The following PTPN9 variants were observed in gnomAD, a reference collection of about 807,000 sequenced individuals.
PTPN9 encodes the protein tyrosine-protein phosphatase non-receptor type 9.
A neutral mutation model predicts 69.8 loss-of-function variants in PTPN9; 26 were observed. That is an observed-to-expected ratio of 0.37 (90% CI 0.27 to 0.52). PTPN9 has a LOEUF of 0.52. PTPN9 is among the 20% of genes least tolerant of loss of function. PTPN9 has a pLI of 0.91. For missense variants in PTPN9, 549 were observed against 740.3 expected (o/e 0.74, Z 3.00); for synonymous variants, 274 against 272.5 (o/e 1.01, Z -0.05).
Position 75,527,163 on chromosome 15 carries a change from C to T in PTPN9, c.162G>A (p.Arg54=). The T allele has an allele frequency of 6.2e-7, 1 of 1,614,176 alleles. No individual in the cohort carries two copies. The highest frequency in any genetic ancestry group is 8.5e-7 in the Non-Finnish European group (1 of 1,180,034). Residue 54 remains arginine (R), a synonymous_variant, in exon 2 of 13, where the codon AGG becomes AGA. Transcript: ENST00000618819. ...WNVAVKFLMA[R]KFDVLRAIEL... ...CTATGGCACGGAGCACATCAAACTT[C>T]CTTGCCATGAGGAACTTGACAGCCA...
At chr15:75,572,516 A>G (rs1332706690) in intron 1 of PTPN9, among the ~76,000 whole-genome samples, 1 of 151,902 alleles carries the variant, frequency 6.6e-6, no homozygotes, top group Non-Finnish European at 1.5e-5. Flanking sequence ...TGGAGACCAG[A>G]CTAGCCAACA....
At chr15:75,545,008 T>G (rs1211722837) in intron 1 of PTPN9, among the ~76,000 whole-genome samples, 2 of 152,186 alleles carry the variant, frequency 1.3e-5, no homozygotes, top group African/African-American at 4.8e-5. Flanking sequence ...AAATTTCTAC[T>G]GCTTTCCAGC....
At chr15:75,502,151 A>T (rs1194582032) in intron 7 of PTPN9, among the ~76,000 whole-genome samples, 3 of 152,020 alleles carry the variant, frequency 2.0e-5, no homozygotes, top group African/African-American at 7.2e-5. Context: ...AAGAGAAGAG[A>T]AAAAAGAAAA....
At chr15:75,576,819 C>CA (rs2075176008) in intron 1 of PTPN9, among the ~76,000 whole-genome samples, 1 of 151,484 alleles carries the variant, frequency 6.6e-6, no homozygotes, top group Non-Finnish European at 1.5e-5. Flanking sequence ...AAAAAACAAA[C>CA]AAACAAACAA....
chr15:75,520,243 T>C (rs976910921), intron 4 of PTPN9, among the ~76,000 whole-genome samples: 7 of 152,042 alleles, frequency 4.6e-5, no homozygotes, highest in Non-Finnish European at 8.8e-5. Flanking sequence ...TTATGGGCTT[T>C]CCCCTCATGA....
intron 1 of PTPN9, among the ~76,000 whole-genome samples, chr15:75,569,884 C>T (rs980466309): frequency 9.2e-5 from 14 of 151,788 alleles, no homozygotes; most frequent in Admixed American, 6.6e-4. Flanking sequence ...GGCAGTGGCG[C>T]GATCTCAGCT....
chr15:75,566,077 T>G (rs1456522912), intron 1 of PTPN9, among the ~76,000 whole-genome samples: 3 of 152,208 alleles, frequency 2.0e-5, no homozygotes, highest in Non-Finnish European at 4.4e-5. Flanking sequence ...TTGAGCATTT[T>G]GTAAATACAA....
intron 1 of PTPN9, among the ~76,000 whole-genome samples, chr15:75,547,983 T>C (rs975230945): frequency 1.3e-5 from 2 of 151,890 alleles, no homozygotes; most frequent in Non-Finnish European, 2.9e-5. Context: ...GGTACAGAGT[T>C]CTAATCACAA....
chr15:75,574,761 T>C (rs1281126470), intron 1 of PTPN9, among the ~76,000 whole-genome samples: 1 of 151,422 alleles, frequency 6.6e-6, no homozygotes, highest in East Asian at 1.9e-4. Flanking sequence ...GCTAATGTAG[T>C]GAAACCCCAT....
At chr15:75,554,526 C>T (rs2075069273) in intron 1 of PTPN9, among the ~76,000 whole-genome samples, 1 of 151,644 alleles carries the variant, frequency 6.6e-6, no homozygotes, top group Admixed American at 6.6e-5. Context: ...AGGGTCTCCC[C>T]ATGTTGCCCA....
chr15:75,556,058 AAGAG>A (rs1435585532), intron 1 of PTPN9, among the ~76,000 whole-genome samples: 3 of 150,366 alleles, frequency 2.0e-5, no homozygotes, highest in Non-Finnish European at 3.0e-5. Context: ...AAAAAAAAAA[AAGAG>A]AGAGAGGCAC....
chr15:75,541,257 T>C (rs1284331575), intron 1 of PTPN9, among the ~76,000 whole-genome samples: 4 of 150,702 alleles, frequency 2.7e-5, no homozygotes, highest in African/African-American at 9.8e-5. Flanking sequence ...CTGGCTACTT[T>C]TTTAATTTTT....
At chr15:75,518,466 T>TAAA (rs111475133) in intron 4 of PTPN9, among the ~76,000 whole-genome samples, 3 of 128,276 alleles carry the variant, frequency 2.3e-5, no homozygotes, top group Non-Finnish European at 3.3e-5. Context: ...TGACTCTATT[T>TAAA]AAAAAAAAAA....
intron 1 of PTPN9, among the ~76,000 whole-genome samples, chr15:75,539,354 C>A (rs2074998593): frequency 6.6e-6 from 1 of 151,642 alleles, no homozygotes; most frequent in Admixed American, 6.6e-5. Context: ...CGCACTGCCA[C>A]CCAGGCTGGA....
At chr15:75,565,789 C>A (rs1285844407) in intron 1 of PTPN9, among the ~76,000 whole-genome samples, 1 of 152,096 alleles carries the variant, frequency 6.6e-6, no homozygotes, top group Non-Finnish European at 1.5e-5. Flanking sequence ...ACCACCACCA[C>A]CAGTGCACCT....
intron 6 of PTPN9, among the ~76,000 whole-genome samples, chr15:75,507,135 A>G (rs2074823513): frequency 6.6e-6 from 1 of 152,166 alleles, no homozygotes; most frequent in African/African-American, 2.4e-5. Context: ...GATTCCTCTC[A>G]AAGAGTTACC....
At chr15:75,493,328 G>A (rs911285163) in intron 7 of PTPN9, among the ~76,000 whole-genome samples, 1 of 151,762 alleles carries the variant, frequency 6.6e-6, no homozygotes, top group Non-Finnish European at 1.5e-5. Context: ...AGAAGAGAGT[G>A]CAATGAAAAA....
chr15:75,499,073 A>G (rs546156700), intron 7 of PTPN9, among the ~76,000 whole-genome samples: 1 of 152,292 alleles, frequency 6.6e-6, no homozygotes, highest in Admixed American at 6.5e-5. Flanking sequence ...TGAATCTACA[A>G]TTATAAGAAA....
chr15:75,501,312 A>C (rs566993759), intron 7 of PTPN9, among the ~76,000 whole-genome samples: 32 of 152,260 alleles, frequency 2.1e-4, no homozygotes, highest in African/African-American at 7.2e-4. Context: ...GTCACATATT[A>C]TACAGAGGAA....
Sources: gnomAD v4.1 joint callset for allele counts (sites outside exome capture counted in the v4.1 genomes callset) on GRCh38, gnomAD v4.1.1 for gene constraint, MANE v1.5 for transcripts, NCBI Gene and HGNC (gene_info 2026-07-23, HGNC 2026-07-21) for gene names.